MKI67: variants seen among roughly 807,000 people sequenced by gnomAD.
MKI67 encodes proliferation marker protein Ki-67.
In MKI67, 152 loss-of-function variants were observed where a neutral mutation model predicts 233.5. That is an observed-to-expected ratio of 0.65 (90% CI 0.57 to 0.74). The LOEUF is 0.74. Ranked by LOEUF, MKI67 falls within the 30% of genes least tolerant of loss-of-function variation. The pLI is 0.00. For synonymous variants in MKI67, 1,465 were observed against 1,418.5 expected (o/e 1.03, Z -0.74); for missense variants, 3,940 against 3,885.2 (o/e 1.01, Z -0.37).
intron 8 of MKI67, among the ~76,000 whole-genome samples, chr10:128,113,072 A>G (rs1852716395): frequency 6.6e-6 from 1 of 152,100 alleles, no homozygotes; most frequent in South Asian, 2.1e-4. Flanking sequence ...AAATAAAACA[A>G]TCCTTATGGG....
rs145162420 is a variant in MKI67, at chr10:128,105,456, C to T, written c.6384G>A (p.Arg2128=). 6 of 1,613,498 alleles carry T rather than the reference C, an allele frequency of 3.7e-6. No individual in the cohort carries two copies. The highest frequency in any genetic ancestry group is 5.1e-6 in the Non-Finnish European group (6 of 1,179,898). Residue 2128 remains arginine (R), a synonymous_variant, in exon 13 of 15, where the codon AGG becomes AGA. Transcript: ENST00000368654. The part of the protein sequence containing the change: ...RRRPKTPLGK[R]DIVEELSALK... The stretch of plus-strand genomic sequence containing the variant: ...GGGCTGAGAGCTCTTCCACTATATC[C>T]CTTTTCCCCAAAGGTGTTTTGGGCC...
chr10:128,101,158 T>C (rs1228393306), intron 14 of MKI67, 100 bp downstream of exon 14: 2 of 1,073,240 alleles, frequency 1.9e-6, no homozygotes, highest in African/African-American at 3.1e-5. Context: ...GGCAGAGTGC[T>C]GTTGAAGATA....
Position 128,106,489 on chromosome 10 carries a change from G to A in MKI67, c.5351C>T (p.Thr1784Ile), listed in dbSNP as rs780760445. The A allele has an allele frequency of 5.0e-6, 8 of 1,614,062 alleles. No homozygotes were observed. Among genetic ancestry groups the A allele is most frequent in the South Asian group, 4.4e-5 (4 of 91,080 alleles). ...CTCTTCACCTACTGCTGGTTTGGGTGTGTGCATGGCTTTGCCTGCTGATGG... is the reference window on the plus strand; with the variant it reads ...CTCTTCACCTACTGCTGGTTTGGGTATGTGCATGGCTTTGCCTGCTGATGG... ...QTPSAGKAMH[T>I]PKPAVGEEKD... The change falls in exon 13 of 15, where the codon ACA (threonine) becomes ATA (isoleucine). Residue 1784 changes from threonine (T) to isoleucine (I), a missense_variant. Physicochemically the swap from Thr to Ile is moderately conservative, Grantham distance 89. Coordinates refer to ENST00000368654, the MANE Select transcript of MKI67 (RefSeq NM_002417.5).
chr10:128,106,458 G>A lies in MKI67; in HGVS notation c.5382C>T (p.Asp1794=), dbSNP rs1008593683. 19 of 1,613,302 alleles carry A rather than the reference G, an allele frequency of 1.2e-5. No homozygotes were observed. Among genetic ancestry groups the A allele is most frequent in the Non-Finnish European group, 1.4e-5 (17 of 1,179,904 alleles). The change falls in exon 13 of 15, where the codon GAC becomes GAT. Residue 1794 remains aspartate (D), a synonymous_variant. Coordinates refer to ENST00000368654, the MANE Select transcript of MKI67 (RefSeq NM_002417.5). ...CTGGAGTTCCCAAAAACGTGTTGAT[G>A]TCTTTCTCTTCACCTACTGCTGGTT... ...TPKPAVGEEK[D]INTFLGTPVQ...
Position 128,105,940 on chromosome 10 carries a change from G to A in MKI67, c.5900C>T (p.Thr1967Ile). Residue 1967 changes from threonine (T) to isoleucine (I), a missense_variant, in exon 13 of 15, where the codon ACT becomes ATT. Coordinates refer to ENST00000368654, the MANE Select transcript of MKI67 (RefSeq NM_002417.5). ...TTTGTCATCGGTCATTGATTCCTCA[G>A]TGTGACCTGGTGTCTGGAAGAGCTC... The part of the protein sequence containing the change: ...FKELFQTPGH[T>I]EESMTDDKIT... 6.2e-7 allele frequency: 1 copy of A among 1,614,092 alleles called. No individual in the cohort carries two copies. Among genetic ancestry groups the A allele is most frequent in the Non-Finnish European group, 8.5e-7 (1 of 1,180,020 alleles).
chr10:128,111,722 T>C lies in MKI67; in HGVS notation c.2183A>G (p.His728Arg), dbSNP rs1039822838. The part of the protein sequence containing the change: ...IIGKAHTEKV[H>R]VPARPYRVLN... ...CACTCTGTAGGGTCGAGCAGGCACA[T>C]GTACTTTTTCAGTATGAGCTTTCCC... The change falls in exon 11 of 15, where the codon CAT becomes CGT. Residue 728 changes from histidine to arginine, a missense_variant. Coordinates refer to ENST00000368654, the MANE Select transcript of MKI67 (RefSeq NM_002417.5). The C allele has an allele frequency of 6.2e-7, 1 of 1,614,074 alleles. No homozygotes were observed. Among genetic ancestry groups the C allele is most frequent in the African/African-American group, 1.3e-5 (1 of 74,938 alleles).
At position 128,105,064 on chromosome 10, in the gene MKI67, G is replaced by A; in HGVS notation, c.6776C>T (p.Thr2259Ile). ...GTCCATAGCTTTCCCTACTGATGGT[G>A]TTCGTTTCCTGAGTGCTAAGGATTC... ...EEESLALRKR[T>I]PSVGKAMDTP... is the part of the protein sequence containing the mutation. The change falls in exon 13 of 15, where the codon ACA (threonine) becomes ATA (isoleucine). Residue 2259 changes from threonine (T) to isoleucine (I), a missense_variant. Thr to Ile is a moderately conservative substitution (Grantham distance 89, BLOSUM62 -1). Transcript: ENST00000368654. 1.2e-6 allele frequency: 2 copies of A among 1,613,740 alleles called. No individual in the cohort carries two copies. The highest frequency in any genetic ancestry group is 1.7e-6 in the Non-Finnish European group (2 of 1,179,956).
Position 128,102,668 on chromosome 10 carries a change from T to C in MKI67, c.9172A>G (p.Arg3058Gly), listed in dbSNP as rs1313891617. Reference protein sequence around the residue: ...MKRSLRTSAKRIEPAEELNSN... With the variant: ...MKRSLRTSAKGIEPAEELNSN... ...TTCAGCTCTTCCGCAGGTTCAATTC[T>C]TTTTGCAGAAGTCCTCAAACTTCTC... Residue 3058 changes from arginine (R) to glycine (G), a missense_variant, in exon 13 of 15, where the codon AGA (arginine) becomes GGA (glycine). Transcript: ENST00000368654. The C allele has an allele frequency of 3.1e-6, 5 of 1,614,140 alleles. No individual in the cohort carries two copies. The highest frequency in any genetic ancestry group is 3.4e-6 in the Non-Finnish European group (4 of 1,180,054).
chr10:128,110,619 G>T, intron 11 of MKI67, 86 bp from the exon 12 acceptor site: 1 of 1,042,648 alleles, frequency 9.6e-7, no homozygotes, highest in Non-Finnish European at 1.4e-6. Flanking sequence ...ACGTGCAAAT[G>T]GTGGGAAATA....
At position 128,105,417 on chromosome 10, in the gene MKI67, T is replaced by G; in HGVS notation, c.6423A>C (p.Thr2141=). 6.2e-7 allele frequency: 1 copy of G among 1,614,200 alleles called. No individual in the cohort carries two copies. Among genetic ancestry groups the G allele is most frequent in the African/African-American group, 1.3e-5 (1 of 75,040 alleles). The change falls in exon 13 of 15, where the codon ACA becomes ACC. Residue 2141 remains threonine (T), a synonymous_variant. Coordinates refer to ENST00000368654, the MANE Select transcript of MKI67 (RefSeq NM_002417.5). ...VEELSALKQL[T]QTTHTDKVPG... ...GTACTTTGTCTGTGTGTGTGGTCTG[T>G]GTGAGCTGCTTCAGGGCTGAGAGCT... is the stretch of plus-strand genomic sequence containing the variant.
chr10:128,119,596 T>G (rs182164029), intron 4 of MKI67, among the ~76,000 whole-genome samples: 1 of 152,316 alleles, frequency 6.6e-6, no homozygotes, highest in Admixed American at 6.5e-5. Context: ...GATTTGACAA[T>G]ATTACCAAGC....
At position 128,101,184 on chromosome 10, in the gene MKI67, C is replaced by T; in HGVS notation, c.9705+74G>A. On this transcript the variant is annotated intron_variant, in intron 14 of 14. Transcript: ENST00000368654. ...GTTGAAGATAATGCTTTTTGTTTGC[C>T]TTTGCAACCTTGGGCAAAAAATACA... 19 of 1,474,324 alleles carry T rather than the reference C, an allele frequency of 1.3e-5. No individual in the cohort carries two copies. The Admixed American group carries it at 1.4e-4, about 10-fold the overall frequency. The allele number at this position is 1,474,324 out of a possible 1,614,324, so 91.3% of individuals were successfully genotyped here.
intron 2 of MKI67, among the ~76,000 whole-genome samples, chr10:128,123,402 A>C (rs965338503): frequency 2.6e-5 from 4 of 152,258 alleles, no homozygotes; most frequent in Non-Finnish European, 5.9e-5. Flanking sequence ...AAACAAGGGA[A>C]AACACTAGAA....
In MKI67 at chr10:128,125,265, G is replaced by A. The variant is rs1853030448; in HGVS notation, c.92+311C>T. 6.6e-6 allele frequency among the ~76,000 whole-genome samples: 1 copy of A among 152,172 alleles called. No homozygotes were observed. The highest frequency in any genetic ancestry group is 2.4e-5 in the African/African-American group (1 of 41,436). ...CTGTGGAGGCACCCGGGGGCGCACA[G>A]TGTCTTCAGACGCCTGCCTGCAGCC... On this transcript the variant is annotated intron_variant, in intron 2 of 14. Coordinates refer to ENST00000368654, the MANE Select transcript of MKI67 (RefSeq NM_002417.5). The surrounding 1 kb of genome is among the most constrained non-coding windows in gnomAD (Gnocchi z 5.3).
At position 128,101,434 on chromosome 10, in the gene MKI67, T is replaced by C; in HGVS notation, c.9529A>G (p.Lys3177Glu). 2 of 1,614,204 alleles carry C rather than the reference T, an allele frequency of 1.2e-6. No homozygotes were observed. The highest frequency in any genetic ancestry group is 1.7e-6 in the Non-Finnish European group (2 of 1,180,030). The change falls in exon 14 of 15, where the codon AAG (lysine) becomes GAG (glutamate). Residue 3177 changes from lysine (K) to glutamate (E), a missense_variant. Physicochemically the swap from Lys to Glu is moderately conservative, Grantham distance 56. Transcript: ENST00000368654. Reference sequence around the variant, plus strand: ...TTCTGCATGAGAACCTTCGCACTCTTCTGCCCTCCGCTCTCCTCTGCCACC... The same window carrying C: ...TTCTGCATGAGAACCTTCGCACTCTCCTGCCCTCCGCTCTCCTCTGCCACC... ...PKVAEESGGQ[K>E]SAKVLMQNQK... is the part of the protein sequence containing the mutation.
Position 128,122,983 on chromosome 10 carries a change from T to C in MKI67, c.185A>G (p.Asn62Ser). 5 of 1,602,220 alleles carry C rather than the reference T, an allele frequency of 3.1e-6. No individual in the cohort carries two copies. The highest frequency in any genetic ancestry group is 4.3e-6 in the Non-Finnish European group (5 of 1,169,772). The change falls in exon 4 of 15, where the codon AAT becomes AGT. Residue 62 changes from asparagine to serine, a missense_variant. Coordinates refer to ENST00000368654, the MANE Select transcript of MKI67 (RefSeq NM_002417.5). ...TTGTGTTGGATTTGTGGAACTGAAA[T>C]TATGTAATATTGCCTGCAAGTGAAA... The part of the protein sequence containing the change: ...EIHEQEAILH[N>S]FSSTNPTQVN...
Position 128,103,661 on chromosome 10 carries a change from G to A in MKI67, c.8179C>T (p.Arg2727Cys), listed in dbSNP as rs775991710. ...TCTTTTACTTGTACCTTCTGCACAC[G>A]TGTCCTGAGATGCCTCTTTGTGCTT... ...TASTKRHLRT[R>C]VQKVQVKEEP... The change falls in exon 13 of 15, where the codon CGT becomes TGT. Residue 2727 changes from arginine to cysteine, a missense_variant. Arg to Cys is a radical substitution (Grantham distance 180). Transcript: ENST00000368654. 8.7e-6 allele frequency: 14 copies of A among 1,614,020 alleles called. No homozygotes were observed. Among genetic ancestry groups the A allele is most frequent in the Middle Eastern group, 3.3e-4 (2 of 6,084 alleles).
At chr10:128,124,541 C>T (rs1356778508) in intron 2 of MKI67, among the ~76,000 whole-genome samples, 2 of 152,202 alleles carry the variant, frequency 1.3e-5, no homozygotes, top group Admixed American at 1.3e-4. Context: ...TCCATGGCTC[C>T]AGCCCATGTT....
At position 128,097,305 on chromosome 10, in the gene MKI67, G is replaced by A. The variant is rs1210719329; in HGVS notation, c.*1885C>T. On this transcript the variant is annotated 3_prime_UTR_variant, in exon 15 of 15. Coordinates refer to ENST00000368654, the MANE Select transcript of MKI67 (RefSeq NM_002417.5). ...CTCCCCCAGTACCAAGGAGGGTTGT[G>A]TAGAAGTGGTGTTCATCTATTAAAC... The A allele has an allele frequency of 2.0e-5, 3 of 152,128 alleles. No homozygotes were observed. Among genetic ancestry groups the A allele is most frequent in the Admixed American group, 2.0e-4 (3 of 15,280 alleles). The allele number at this position is 152,128 out of a possible 1,614,324, so 9.4% of individuals were successfully genotyped here.
Sources: gnomAD v4.1 joint callset for allele counts (sites outside exome capture counted in the v4.1 genomes callset) on GRCh38, gnomAD v4.1.1 for gene constraint, Gnocchi (gnomAD v3.1) non-coding constraint, MANE v1.5 for transcripts, NCBI Gene and HGNC (gene_info 2026-07-23, HGNC 2026-07-21) for gene names.